POF1B: variants seen among roughly 807,000 people sequenced by gnomAD.
POF1B encodes the protein protein POF1B.
A neutral mutation model predicts 55.3 loss-of-function variants in POF1B; 53 were observed. The ratio of observed to expected loss-of-function variants is 0.96; its 90% CI spans 0.77 to 1.20. The LOEUF is 1.20. POF1B is among the 50% of genes most tolerant of loss of function. The pLI, the probability that POF1B is intolerant of heterozygous loss-of-function variation, is 0.00. For synonymous variants in POF1B, 188 were observed against 148.3 expected (o/e 1.27, Z -1.95); for missense variants, 478 against 420.5 (o/e 1.14, Z -1.20).
intron 15 of POF1B, among the ~76,000 whole-genome samples, chrX:85,294,190 T>C (rs1012745312): frequency 9.0e-6 from 1 of 111,567 alleles, no homozygotes; most frequent in African/African-American, 3.3e-5. Context: ...ACTTCTTTTC[T>C]TAATTGGATG....
At chrX:85,365,658 C>T (rs149758114) in intron 3 of POF1B, among the ~76,000 whole-genome samples, 3 of 111,627 alleles carry the variant, frequency 2.7e-5, no homozygotes, top group African/African-American at 9.8e-5. Context: ...CTCTCAATGC[C>T]CTGAAAGTGT....
chrX:85,340,223 G>A (rs1316514020), intron 6 of POF1B, among the ~76,000 whole-genome samples: 2 of 111,186 alleles, frequency 1.8e-5, no homozygotes, highest in Non-Finnish European at 3.8e-5. Context: ...GACTAAATTG[G>A]TTTAGTCTGA....
At chrX:85,343,270 C>T (rs940267885) in intron 6 of POF1B, among the ~76,000 whole-genome samples, 8 of 110,744 alleles carry the variant, frequency 7.2e-5, no homozygotes, top group Non-Finnish European at 1.5e-4. Context: ...TTTACAGAAG[C>T]TACATAGAAA....
chrX:85,317,195 A>G (rs1001163503), intron 7 of POF1B, among the ~76,000 whole-genome samples: 7 of 109,860 alleles, frequency 6.4e-5, no homozygotes, highest in South Asian at 8.0e-4. Context: ...TAGGTGTGCA[A>G]GTGTCTGTAT....
intron 3 of POF1B, among the ~76,000 whole-genome samples, chrX:85,365,910 C>A (rs1188549764): frequency 9.0e-6 from 1 of 110,801 alleles, no homozygotes. Flanking sequence ...GTGCTGTAGG[C>A]CTAAGTCGGG....
In POF1B at chrX:85,279,386, C is replaced by A. The variant is rs768556295; in HGVS notation, c.*35G>T. 1.7e-5 allele frequency: 20 copies of A among 1,159,942 alleles called. No individual in the cohort carries two copies. The highest frequency in any genetic ancestry group is 2.4e-4 in the Middle Eastern group (1 of 4,190). ...CAGAGACACACACACAAAAAAAAAA[C>A]GGCTTTGAGTTGTAATACTTTAAAG... On this transcript the variant is annotated 3_prime_UTR_variant, in exon 17 of 17. Transcript: ENST00000262753.
chrX:85,315,644 G>T, intron 8 of POF1B, 63 bp downstream of exon 8: 1 of 943,489 alleles, frequency 1.1e-6, no homozygotes. Flanking sequence ...TATTATTATT[G>T]CAAATATCAG....
intron 4 of POF1B, among the ~76,000 whole-genome samples, chrX:85,358,202 C>A (rs1168519997): frequency 9.0e-6 from 1 of 111,574 alleles, no homozygotes; most frequent in Non-Finnish European, 1.9e-5. Flanking sequence ...CATACTAATA[C>A]CTTAAACACC....
At chrX:85,322,798 A>G (rs1314167063) in intron 7 of POF1B, among the ~76,000 whole-genome samples, 1 of 111,978 alleles carries the variant, frequency 8.9e-6, no homozygotes, top group African/African-American at 3.3e-5. Flanking sequence ...ATGAACAGAC[A>G]CTTCTCAAAA....
chrX:85,293,000 T>C (rs1184346057), intron 15 of POF1B, among the ~76,000 whole-genome samples: 2 of 111,821 alleles, frequency 1.8e-5, no homozygotes, highest in African/African-American at 3.3e-5. Flanking sequence ...ACCAGTCAGA[T>C]TGACTACTAT....
intron 5 of POF1B, among the ~76,000 whole-genome samples, chrX:85,350,365 A>G (rs1233125106): frequency 3.6e-5 from 4 of 111,492 alleles, no homozygotes; most frequent in Non-Finnish European, 7.6e-5. Flanking sequence ...ACATGAACTC[A>G]TCATTTTTAT....
At chrX:85,313,701 G>C (rs893243118) in intron 9 of POF1B, among the ~76,000 whole-genome samples, 1 of 111,531 alleles carries the variant, frequency 9.0e-6, no homozygotes, top group Admixed American at 9.5e-5. Context: ...AAACGAGTTA[G>C]GGGGGAGTCT....
At chrX:85,367,945 C>A (rs779330210) in intron 2 of POF1B, among the ~76,000 whole-genome samples, 179 bp from the exon 3 acceptor site, 2 of 111,697 alleles carry the variant, frequency 1.8e-5, no homozygotes, top group Non-Finnish European at 3.8e-5. Context: ...TCTCACATAA[C>A]CCAATGATAA....
chrX:85,306,142 C>G (rs1932567956), intron 12 of POF1B, 39 bp downstream of exon 12: 1 of 1,116,295 alleles, frequency 9.0e-7, no homozygotes, highest in East Asian at 3.0e-5. Flanking sequence ...AATGATGTAA[C>G]TAAGGTAATA....
At chrX:85,306,487 T>C (rs1473001393) in intron 11 of POF1B, among the ~76,000 whole-genome samples, 154 bp from the exon 12 acceptor site, 1 of 111,369 alleles carries the variant, frequency 9.0e-6, no homozygotes, top group Non-Finnish European at 1.9e-5. Flanking sequence ...AAGTCACCCA[T>C]GTAAGATATT....
At chrX:85,369,706 A>C (rs2147951146) in intron 2 of POF1B, among the ~76,000 whole-genome samples, 1 of 111,850 alleles carries the variant, frequency 8.9e-6, no homozygotes, top group Admixed American at 9.5e-5. Context: ...ACTGTGCTGC[A>C]ATGAGCATCC....
chrX:85,364,588 C>T (rs907007379), intron 3 of POF1B, among the ~76,000 whole-genome samples: 5 of 111,697 alleles, frequency 4.5e-5, no homozygotes, highest in Non-Finnish European at 7.5e-5. Flanking sequence ...CTACTCTCTC[C>T]TGGCTTGCAG....
At chrX:85,290,028 A>C (rs992320812) in intron 15 of POF1B, among the ~76,000 whole-genome samples, 1 of 111,385 alleles carries the variant, frequency 9.0e-6, no homozygotes, top group Non-Finnish European at 1.9e-5. Context: ...GGTTTACACG[A>C]TGCTGAGGTT....
intron 15 of POF1B, among the ~76,000 whole-genome samples, chrX:85,299,518 G>A (rs1321169405): frequency 9.7e-6 from 1 of 103,391 alleles, no homozygotes; most frequent in East Asian, 3.0e-4. Flanking sequence ...TCGATCTCCT[G>A]ACCTCGTGAT....
Sources: allele counts gnomAD v4.1 joint callset (sites outside exome capture counted in the v4.1 genomes callset), GRCh38; gene constraint gnomAD v4.1.1; transcripts MANE v1.5; gene names NCBI Gene and HGNC (gene_info 2026-07-23, HGNC 2026-07-21).